The following SHANK2 variants were observed in gnomAD, a reference collection of about 807,000 sequenced individuals.
The protein encoded by SHANK2 is SH3 and multiple ankyrin repeat domains 2.
Under a neutral mutation model 133.7 loss-of-function variants are expected in SHANK2, and 43 were observed. The ratio of observed to expected loss-of-function variants is 0.32; its 90% confidence interval spans 0.25 to 0.41. The LOEUF is 0.41. SHANK2 is among the 10% of genes least tolerant of loss of function. SHANK2 has a pLI of 1.00. For missense variants in SHANK2, 1,994 were observed against 2,235.8 expected, an observed-to-expected ratio of 0.89 and a Z score of 2.18; for synonymous variants, 1,017 against 952.8, an observed-to-expected ratio of 1.07 and a Z score of -1.24.
At chr11:70,682,829 C>T (rs1945056529) in intron 15 of SHANK2, among the ~76,000 whole-genome samples, 1 of 152,126 alleles carries the variant, frequency 6.6e-6, no homozygotes, top group Non-Finnish European at 1.5e-5. Context: ...AAAGACAAAA[C>T]GCAAGTCCTA....
intron 14 of SHANK2, among the ~76,000 whole-genome samples, chr11:70,718,610 A>G (rs1444074636): frequency 3.9e-5 from 6 of 152,088 alleles, no homozygotes; most frequent in African/African-American, 1.4e-4. Flanking sequence ...CGGCTTTCAA[A>G]TACTTCCCAA....
chr11:70,752,721 A>AG (rs1946780153), intron 14 of SHANK2, among the ~76,000 whole-genome samples: 1 of 151,044 alleles, frequency 6.6e-6, no homozygotes, highest in Admixed American at 6.6e-5. Context: ...AAAAAAAAAA[A>AG]TCAATTCACC....
intron 17 of SHANK2, among the ~76,000 whole-genome samples, chr11:70,616,586 G>A (rs2060744957): frequency 6.6e-6 from 1 of 152,198 alleles, no homozygotes; most frequent in Admixed American, 6.5e-5. Flanking sequence ...ACAGACCCTG[G>A]AACCAGGTCC....
At chr11:70,779,626 T>C (rs1346459465) in intron 14 of SHANK2, among the ~76,000 whole-genome samples, 3 of 152,178 alleles carry the variant, frequency 2.0e-5, no homozygotes, top group Admixed American at 6.5e-5. Flanking sequence ...CCCAGAGATG[T>C]GGGTGACAGC....
intron 14 of SHANK2, among the ~76,000 whole-genome samples, chr11:70,725,458 G>A (rs1946160091): frequency 6.6e-6 from 1 of 152,198 alleles, no homozygotes; most frequent in Non-Finnish European, 1.5e-5. Flanking sequence ...CTCCCAAAGG[G>A]CCTGGGGCCT....
intron 5 of SHANK2, among the ~76,000 whole-genome samples, chr11:71,111,582 C>T (rs1555099252): frequency 6.6e-6 from 1 of 152,182 alleles, no homozygotes; most frequent in African/African-American, 2.4e-5. Flanking sequence ...TAATTCTTTG[C>T]CCCTACTCCG....
chr11:70,831,556 C>A (rs1357450566), intron 11 of SHANK2, among the ~76,000 whole-genome samples: 2 of 152,338 alleles, frequency 1.3e-5, no homozygotes, highest in East Asian at 3.9e-4. Context: ...TCACCCCATA[C>A]ACTGCACCAC....
intron 17 of SHANK2, among the ~76,000 whole-genome samples, chr11:70,640,406 G>T (rs1272871084): frequency 1.3e-5 from 2 of 152,218 alleles, no homozygotes; most frequent in Non-Finnish European, 2.9e-5. Flanking sequence ...GCCGGAAGAG[G>T]CTGGGAAGGA....
chr11:70,516,546 T>C (rs1216227733), intron 17 of SHANK2, among the ~76,000 whole-genome samples: 1 of 152,178 alleles, frequency 6.6e-6, no homozygotes, highest in East Asian at 1.9e-4. Context: ...TGACCTTGAG[T>C]TTGGTGATGA....
intron 14 of SHANK2, among the ~76,000 whole-genome samples, chr11:70,708,301 G>A (rs1555025370): frequency 6.6e-6 from 1 of 151,982 alleles, no homozygotes; most frequent in Non-Finnish European, 1.5e-5. Context: ...GGACTGCCCT[G>A]GACACTGCAT....
intron 1 of SHANK2, chr11:71,226,713 A>G (rs1287442960): frequency 2.0e-5 from 3 of 152,174 alleles, no homozygotes; most frequent in Non-Finnish European, 2.9e-5. Flanking sequence ...AGATGAAAGG[A>G]AACAAAGGAA....
chr11:70,573,224 G>A (rs753546741), intron 17 of SHANK2, among the ~76,000 whole-genome samples: 24 of 150,254 alleles, frequency 1.6e-4, no homozygotes, highest in African/African-American at 4.7e-4. Flanking sequence ...TCACTGCAGC[G>A]GTGGGGGCGG....
intron 11 of SHANK2, among the ~76,000 whole-genome samples, chr11:70,871,073 C>T (rs1017634118): frequency 1.1e-4 from 17 of 152,158 alleles, no homozygotes; most frequent in African/African-American, 3.4e-4. Context: ...CCACTGCACC[C>T]GGTCCCATTT....
At chr11:70,761,152 G>A (rs1946988177) in intron 14 of SHANK2, among the ~76,000 whole-genome samples, 1 of 152,194 alleles carries the variant, frequency 6.6e-6, no homozygotes, top group Non-Finnish European at 1.5e-5. Flanking sequence ...AAATTCAAAT[G>A]TTGAAACCCA....
chr11:70,500,264 AC>A lies in SHANK2; in HGVS notation c.2308+305del, dbSNP rs1307441558. ...CAGCCAGAGGCTCTGCTCATCTGCA[AC>A]CCCCCATCCAGGCAGCCCCAGCTGA... On this transcript the variant is annotated intron_variant, in intron 21 of 25. Transcript: ENST00000601538. This position sits in a 1 kb window ranked among gnomAD's most constrained non-coding sequence, Gnocchi z 4.5. Among the ~76,000 whole-genome samples, 4 of 151,638 alleles carry A rather than the reference AC, an allele frequency of 2.6e-5. No individual in the cohort carries two copies. The highest frequency in any genetic ancestry group is 9.7e-5 in the African/African-American group (4 of 41,222).
At chr11:70,878,529 G>A (rs1336379898) in intron 11 of SHANK2, among the ~76,000 whole-genome samples, 10 of 152,162 alleles carry the variant, frequency 6.6e-5, no homozygotes, top group African/African-American at 2.2e-4. Flanking sequence ...GACCTCCCTC[G>A]GGCTGCATGG....
chr11:70,542,951 G>A (rs568651168), intron 17 of SHANK2, among the ~76,000 whole-genome samples: 137 of 152,226 alleles, frequency 9.0e-4, no homozygotes, highest in African/African-American at 3.2e-3. Flanking sequence ...GGGCCCCCCC[G>A]GGACCGCTGA....
At chr11:70,858,983 GCT>G (rs1949213716) in intron 11 of SHANK2, among the ~76,000 whole-genome samples, 3 of 152,202 alleles carry the variant, frequency 2.0e-5, no homozygotes, top group African/African-American at 7.2e-5. Flanking sequence ...TGAGTCTCAT[GCT>G]GTCCTTTCCA....
rs998971380 is a variant in SHANK2 at position 70,535,922 on chromosome 11, G to T, written c.2062-32991C>A. 3.9e-5 allele frequency among the ~76,000 whole-genome samples: 6 copies of T among 152,248 alleles called. No individual in the cohort carries two copies. Among genetic ancestry groups the T allele is most frequent in the Admixed American group, 2.0e-4 (3 of 15,290 alleles). ...CCGGAGACCCCAGGAAAGGCACATA[G>T]CCCAGAATGGACATGTGGCTCACCC... On this transcript the variant is annotated intron_variant, in intron 17 of 25. Transcript: ENST00000601538. This position sits in a 1 kb window ranked among gnomAD's most constrained non-coding sequence, Gnocchi z 4.3.
Sources: allele counts gnomAD v4.1 joint callset (sites outside exome capture counted in the v4.1 genomes callset), GRCh38; gene constraint gnomAD v4.1.1; non-coding constraint Gnocchi (gnomAD v3.1); transcripts MANE v1.5; gene names NCBI Gene and HGNC (gene_info 2026-07-23, HGNC 2026-07-21).